SH3RF3: variants seen among roughly 807,000 people sequenced by gnomAD.
SH3RF3 encodes the protein E3 ubiquitin-protein ligase SH3RF3.
SH3RF3 carries 29 observed loss-of-function variants against 66.3 expected under a neutral mutation model. That is an observed-to-expected ratio of 0.44 (90% CI 0.33 to 0.60). The LOEUF is 0.60. Ranked by LOEUF, SH3RF3 falls within the 20% of genes least tolerant of loss-of-function variation. The pLI is 0.04. For missense variants in SH3RF3, 1,194 were observed against 1,190.9 expected (o/e 1.00, Z -0.04); for synonymous variants, 583 against 532.0 (o/e 1.10, Z -1.32).
intron 1 of SH3RF3, 60 bp from the exon 2 acceptor site, chr2:109,347,614 C>G (rs1417635208): frequency 9.5e-6 from 15 of 1,573,650 alleles, no homozygotes; most frequent in Non-Finnish European, 1.3e-5. Flanking sequence ...CCCGGCAGAT[C>G]CACTGTGGGG....
chr2:109,400,816 C>T (rs992642243), intron 4 of SH3RF3, among the ~76,000 whole-genome samples: 1 of 152,178 alleles, frequency 6.6e-6, no homozygotes, highest in Non-Finnish European at 1.5e-5. Context: ...CCATGGTTAC[C>T]CCACTGCCTG....
chr2:109,218,157 A>C (rs1422624066), intron 1 of SH3RF3, among the ~76,000 whole-genome samples: 1 of 151,178 alleles, frequency 6.6e-6, no homozygotes, highest in Non-Finnish European at 1.5e-5. Context: ...GTTCTATTAA[A>C]AAAAAAAAAT....
chr2:109,490,631 G>A lies in SH3RF3; in HGVS notation c.2175G>A (p.Lys725=). 1.4e-6 allele frequency: 2 copies of A among 1,473,492 alleles called. No homozygotes were observed. The highest frequency in any genetic ancestry group is 1.4e-5 in the African/African-American group (1 of 70,678). 91.3% of individuals were successfully genotyped at this position (1,473,492 alleles called of 1,614,324 possible). A position where few individuals can be genotyped will look rare whatever the true frequency, so the allele number is the denominator to read the frequency against. ...AAGAGAAGAAGAGTGGGCTCCTGAA[G>A]CTTCTAGCCGGAGCATCCACCAAGA... ...EKKEKKSGLL[K]LLAGASTKKK... is the part of the protein sequence containing the mutation. The change falls in exon 9 of 10, where the codon AAG becomes AAA. Residue 725 remains lysine, a synonymous_variant. Transcript: ENST00000309415.
intron 2 of SH3RF3, among the ~76,000 whole-genome samples, chr2:109,357,052 T>C (rs892583282): frequency 6.6e-6 from 1 of 151,778 alleles, no homozygotes; most frequent in African/African-American, 2.4e-5. Context: ...GACTGTTACC[T>C]TTTTAAAATT....
chr2:109,348,440 G>T (rs148078999), intron 2 of SH3RF3, among the ~76,000 whole-genome samples: 9 of 152,336 alleles, frequency 5.9e-5, no homozygotes, highest in African/African-American at 2.2e-4. Context: ...CTGAGGCAGG[G>T]CCACCCTGGT....
chr2:109,464,320 C>A (rs774988552), intron 8 of SH3RF3, among the ~76,000 whole-genome samples: 161 of 152,294 alleles, frequency 1.1e-3, no homozygotes, highest in Non-Finnish European at 1.9e-3. Flanking sequence ...CATGAACTCA[C>A]GTACAATGTG....
chr2:109,224,135 C>T (rs1344129106), intron 1 of SH3RF3, among the ~76,000 whole-genome samples: 2 of 152,204 alleles, frequency 1.3e-5, no homozygotes, highest in East Asian at 1.9e-4. Context: ...CCTGGTCTCC[C>T]ACTTCTGCCC....
chr2:109,294,892 G>A (rs1681273147), intron 1 of SH3RF3, among the ~76,000 whole-genome samples: 1 of 152,238 alleles, frequency 6.6e-6, no homozygotes, highest in South Asian at 2.1e-4. Flanking sequence ...AAGACTTAGT[G>A]AGGAGAGAAG....
intron 7 of SH3RF3, among the ~76,000 whole-genome samples, chr2:109,438,623 A>G (rs1355272263): frequency 1.3e-5 from 2 of 152,194 alleles, no homozygotes; most frequent in Non-Finnish European, 2.9e-5. Context: ...CCTGGGAAAG[A>G]ATCTGCAGCA....
chr2:109,391,853 T>A (rs1001080217), intron 3 of SH3RF3, among the ~76,000 whole-genome samples: 17 of 152,092 alleles, frequency 1.1e-4, no homozygotes, highest in Admixed American at 7.9e-4. Context: ...CTTTTTTTTT[T>A]AATTAAGACA....
chr2:109,207,372 G>A (rs1202370026), intron 1 of SH3RF3, among the ~76,000 whole-genome samples: 1 of 152,156 alleles, frequency 6.6e-6, no homozygotes, highest in Non-Finnish European at 1.5e-5. Flanking sequence ...GGGGAGGGAA[G>A]CAGGTTGCTA....
intron 1 of SH3RF3, among the ~76,000 whole-genome samples, chr2:109,136,985 GAT>G (rs774110335): frequency 6.6e-6 from 1 of 152,216 alleles, no homozygotes; most frequent in Non-Finnish European, 1.5e-5. Context: ...TCACTGCACA[GAT>G]ATTTAAGTAC....
At position 109,191,326 on chromosome 2, in the gene SH3RF3, G is replaced by C. The variant is rs191947372; in HGVS notation, c.573+61213G>C. On this transcript the variant is annotated intron_variant, in intron 1 of 9. Coordinates refer to ENST00000309415, the MANE Select transcript of SH3RF3 (RefSeq NM_001099289.3). The stretch of plus-strand genomic sequence containing the variant: ...GTGCAATGCCCTGGAGAATCATTAG[G>C]AGCTCCGTGAGGACCCTGGAGGGGC... Among the ~76,000 whole-genome samples the C allele has an allele frequency of 2.4e-3, 370 of 152,322 alleles. 3 individuals carry two copies. Among genetic ancestry groups the C allele is most frequent in the South Asian group, 0.02 (97 of 4,816 alleles).
At chr2:109,281,012 G>A (rs530613692) in intron 1 of SH3RF3, among the ~76,000 whole-genome samples, 65 of 152,312 alleles carry the variant, frequency 4.3e-4, no homozygotes, top group African/African-American at 1.4e-3. Flanking sequence ...AAAGCCTCAC[G>A]CTCCTGACAA....
intron 1 of SH3RF3, among the ~76,000 whole-genome samples, chr2:109,254,031 A>C (rs906638016): frequency 6.6e-6 from 1 of 151,988 alleles, no homozygotes; most frequent in African/African-American, 2.4e-5. Flanking sequence ...GGCACCATTC[A>C]CATCACATTT....
At chr2:109,336,188 A>G (rs939124742) in intron 1 of SH3RF3, among the ~76,000 whole-genome samples, 2 of 152,216 alleles carry the variant, frequency 1.3e-5, no homozygotes, top group African/African-American at 2.4e-5. Context: ...AAAAATCACC[A>G]CGTGCCTAGA....
chr2:109,371,034 T>C (rs1349176521), intron 2 of SH3RF3, among the ~76,000 whole-genome samples: 1 of 152,236 alleles, frequency 6.6e-6, no homozygotes, highest in East Asian at 1.9e-4. Context: ...AAGCCCTAAC[T>C]CTGTGGTACA....
intron 8 of SH3RF3, among the ~76,000 whole-genome samples, chr2:109,461,083 A>G (rs1465721784): frequency 6.6e-6 from 1 of 152,234 alleles, no homozygotes; most frequent in Non-Finnish European, 1.5e-5. Context: ...AGTGGTGACC[A>G]TAGGCATTTT....
intron 1 of SH3RF3, among the ~76,000 whole-genome samples, chr2:109,326,662 TTTAAG>T (rs1425408961): frequency 6.6e-6 from 1 of 152,206 alleles, no homozygotes; most frequent in East Asian, 1.9e-4. Context: ...ACAATGCCTG[TTTAAG>T]TTAACTTATC....
Sources: allele counts gnomAD v4.1 joint callset (sites outside exome capture counted in the v4.1 genomes callset), GRCh38; gene constraint gnomAD v4.1.1; transcripts MANE v1.5; gene names NCBI Gene and HGNC (gene_info 2026-07-23, HGNC 2026-07-21).